Variants in CCDC40 observed in about 807,000 individuals in gnomAD.
The protein encoded by CCDC40 is coiled-coil domain 40 molecular ruler complex subunit.
CCDC40 carries 104 observed loss-of-function variants against 124.5 expected under a neutral mutation model. That is an observed-to-expected ratio of 0.84 (90% CI 0.71 to 0.98). The LOEUF (loss-of-function observed/expected upper bound fraction) is 0.98, where lower values mean the gene tolerates loss of function less well. Among genes scored for constraint, CCDC40 ranks in the 50% least tolerant of loss-of-function variants. CCDC40 has a pLI of 0.00. For synonymous variants in CCDC40, 580 were observed against 602.9 expected (o/e 0.96, Z 0.56); for missense variants, 1,463 against 1,503.9 (o/e 0.97, Z 0.45).
intron 16 of CCDC40, among the ~76,000 whole-genome samples, chr17:80,089,247 C>T (rs553665763): frequency 6.6e-6 from 1 of 152,176 alleles, no homozygotes; most frequent in Non-Finnish European, 1.5e-5. Context: ...GGAAAGGGTG[C>T]GGAGCAGGCG....
intron 10 of CCDC40, among the ~76,000 whole-genome samples, chr17:80,072,039 A>G (rs552244824): frequency 6.6e-6 from 1 of 151,976 alleles, no homozygotes; most frequent in South Asian, 2.1e-4. Context: ...GGGTTTCACC[A>G]TGTTGGCCAG....
chr17:80,067,782 C>T (rs994109914), intron 10 of CCDC40: 3 of 1,462,620 alleles, frequency 2.1e-6, no homozygotes, highest in Middle Eastern at 2.0e-4. Flanking sequence ...ACAGTCACGC[C>T]CCCGGCAGCG....
chr17:80,095,272 G>C lies in CCDC40; in HGVS notation c.2842G>C (p.Gly948Arg). ...CTGTCCTGTCTCCCAGGTCAGGCTC[G>C]GGCAGCTGCTGAAGCAGCAGGAGAA... Reference protein sequence around the residue: ...GEIHRMKVRLGQLLKQQEKMI... With the variant: ...GEIHRMKVRLRQLLKQQEKMI... Residue 948 changes from glycine (G) to arginine (R), a missense_variant, in exon 18 of 20, where the codon GGG (glycine) becomes CGG (arginine). Coordinates refer to ENST00000397545, the MANE Select transcript of CCDC40 (RefSeq NM_017950.4). 1 of 1,613,850 alleles carries C rather than the reference G, an allele frequency of 6.2e-7. No individual in the cohort carries two copies. Among genetic ancestry groups the C allele is most frequent in the East Asian group, 2.2e-5 (1 of 44,886 alleles).
chr17:80,058,555 C>A lies in CCDC40; in HGVS notation c.1221C>A (p.Ile407=). Residue 407 remains isoleucine, a synonymous_variant, in exon 8 of 20, where the codon ATC becomes ATA. Transcript: ENST00000397545. The surrounding 1 kb of genome is among the most constrained non-coding windows in gnomAD (Gnocchi z 4.2). The part of the protein sequence containing the change: ...LALHLFYMQN[I]DQDMRDDIRV... ...TGCATCTCTTCTACATGCAGAACAT[C>A]GACCAGGACATGCGTGACGACATCC... 6.2e-7 allele frequency: 1 copy of A among 1,614,096 alleles called. No individual in the cohort carries two copies. Among genetic ancestry groups the A allele is most frequent in the South Asian group, 1.1e-5 (1 of 91,082 alleles).
At chr17:80,061,111 C>G (rs7208452) in intron 9 of CCDC40, among the ~76,000 whole-genome samples, 11,203 of 152,164 alleles carry the variant, frequency 0.074, 1,334 homozygotes, top group African/African-American at 0.25. Flanking sequence ...TTTGGGAGGC[C>G]GAGGCCGCTG....
intron 10 of CCDC40, among the ~76,000 whole-genome samples, chr17:80,069,780 GAGAGAGAGAGAGAC>G (rs936303166): frequency 1.3e-4 from 20 of 150,956 alleles, no homozygotes; most frequent in Non-Finnish European, 2.7e-4. Flanking sequence ...AGAAAAAAAA[GAGAGAGAGAGAGAC>G]AGAGAGAGAG....
At chr17:80,039,704 G>T in intron 2 of CCDC40, 108 bp from the exon 3 acceptor site, 1 of 1,382,636 alleles carries the variant, frequency 7.2e-7, no homozygotes, top group Non-Finnish European at 9.9e-7. Context: ...ATGCTGAGAA[G>T]GGTATAAATG....
rs568372330 is a variant in CCDC40 at position 80,084,172 on chromosome 17, T to TAG, written c.1990-570_1990-569insGA. ...TCTGATCTCACACTGCTGTAGGAAA[T>TAG]ACCTAAGACTGGATAACTGATAAAG... is the stretch of plus-strand genomic sequence containing the variant. On this transcript the variant is annotated intron_variant, in intron 12 of 19. Transcript: ENST00000397545. Among the ~76,000 whole-genome samples, 38 of 151,544 alleles carry TAG rather than the reference T, an allele frequency of 2.5e-4. No homozygotes were observed. In the South Asian group the frequency reaches 4.0e-3, roughly 16 times the overall value.
chr17:80,075,316 C>A (rs1411687487), intron 10 of CCDC40, among the ~76,000 whole-genome samples: 1 of 139,390 alleles, frequency 7.2e-6, no homozygotes, highest in Non-Finnish European at 1.5e-5. Flanking sequence ...TCTCTTTTGT[C>A]GCCCAGGCTG....
intron 7 of CCDC40, among the ~76,000 whole-genome samples, chr17:80,050,825 T>G (rs924074066): frequency 2.0e-5 from 3 of 152,114 alleles, no homozygotes; most frequent in Non-Finnish European, 4.4e-5. Context: ...GATTCAAAAC[T>G]GGGAGAGATG....
In CCDC40 at chr17:80,058,477, C is replaced by G; in HGVS notation, c.1160-17C>G. The G allele has an allele frequency of 1.1e-5, 17 of 1,612,666 alleles. No individual in the cohort carries two copies. The highest frequency in any genetic ancestry group is 1.4e-5 in the Non-Finnish European group (17 of 1,179,652). ...CCACTCACTCTCTCTCTCTTTCTCC[C>G]CCGCCGCGCCCCGCAGTGGCGGCTC... is the stretch of plus-strand genomic sequence containing the variant. On this transcript the variant is annotated splice_polypyrimidine_tract_variant and intron_variant, in intron 7 of 19. Coordinates refer to ENST00000397545, the MANE Select transcript of CCDC40 (RefSeq NM_017950.4). This position sits in a 1 kb window ranked among gnomAD's most constrained non-coding sequence, Gnocchi z 4.2.
chr17:80,045,141 G>A (rs757638637), intron 3 of CCDC40, among the ~76,000 whole-genome samples: 3 of 152,238 alleles, frequency 2.0e-5, no homozygotes, highest in Non-Finnish European at 4.4e-5. Flanking sequence ...TGCATGGGCT[G>A]GAGACAGAGA....
At position 80,086,169 on chromosome 17, in the gene CCDC40, C is replaced by T. The variant is rs1364159657; in HGVS notation, c.2402C>T (p.Ser801Phe). 1 of 1,613,598 alleles carries T rather than the reference C, an allele frequency of 6.2e-7. No homozygotes were observed. The highest frequency in any genetic ancestry group is 8.5e-7 in the Non-Finnish European group (1 of 1,179,870). ...QEEQLASLDA[S>F]KKELHIMEQK... ...GAGCAGCTGGCCTCCCTGGACGCAT[C>T]CAAGAAGGAGCTCCACATCATGGAG... Residue 801 changes from serine (S) to phenylalanine (F), a missense_variant, in exon 14 of 20, where the codon TCC becomes TTC. By Grantham distance (155) the Ser-to-Phe change is radical. Coordinates refer to ENST00000397545, the MANE Select transcript of CCDC40 (RefSeq NM_017950.4). This position sits in a 1 kb window ranked among gnomAD's most constrained non-coding sequence, Gnocchi z 5.5.
In CCDC40 at chr17:80,087,955, G is replaced by C. The variant is rs1260283424; in HGVS notation, c.2620-56G>C. 7.1e-7 allele frequency: 1 copy of C among 1,411,512 alleles called. No individual in the cohort carries two copies. Among genetic ancestry groups the C allele is most frequent in the Non-Finnish European group, 1.0e-6 (1 of 996,202 alleles). The allele number at this position is 1,411,512 out of a possible 1,614,324, so 87.4% of individuals were successfully genotyped here. A position where few individuals can be genotyped will look rare whatever the true frequency, so the allele number is the denominator to read the frequency against. ...TGCCGGGATAGAGGGCACCAGCCCCGGCATCCACAATCCCATGGCCCTCCC... is the reference window on the plus strand; with the variant it reads ...TGCCGGGATAGAGGGCACCAGCCCCCGCATCCACAATCCCATGGCCCTCCC... On this transcript the variant is annotated intron_variant, in intron 15 of 19. Transcript: ENST00000397545. This position sits in a 1 kb window ranked among gnomAD's most constrained non-coding sequence, Gnocchi z 4.5.
Position 80,087,755 on chromosome 17 carries a change from T to C in CCDC40, c.2598T>C (p.Asn866=). Residue 866 remains asparagine, a synonymous_variant, in exon 15 of 20, where the codon AAT becomes AAC. Coordinates refer to ENST00000397545, the MANE Select transcript of CCDC40 (RefSeq NM_017950.4). The surrounding 1 kb of genome is among the most constrained non-coding windows in gnomAD (Gnocchi z 4.5). Reference sequence around the variant, plus strand: ...AGCAGAACAACCGGGTGACAGAGAATGAGTTCGTGCGCTCGCTGAAGGTCC... The same window carrying C: ...AGCAGAACAACCGGGTGACAGAGAACGAGTTCGTGCGCTCGCTGAAGGTCC... The part of the protein sequence containing the change: ...ELEQNNRVTE[N]EFVRSLKASE... 1.2e-6 allele frequency: 2 copies of C among 1,614,026 alleles called. No individual in the cohort carries two copies. The highest frequency in any genetic ancestry group is 8.5e-7 in the Non-Finnish European group (1 of 1,179,976).
chr17:80,090,767 A>G, intron 17 of CCDC40: 1 of 1,355,796 alleles, frequency 7.4e-7, no homozygotes, highest in Non-Finnish European at 9.5e-7. Context: ...CTTAAGGATA[A>G]CAGTAAGAGC....
intron 1 of CCDC40, among the ~76,000 whole-genome samples, chr17:80,037,688 A>AAAATATATATATATATATAT: frequency 2.0e-4 from 9 of 45,696 alleles, no homozygotes; most frequent in African/African-American, 4.7e-4. Flanking sequence ...TTTTTTAAAA[A>AAAATATATATATATATATAT]AGATATACAT....
chr17:80,099,974 G>A lies in CCDC40; in HGVS notation c.*199G>A, dbSNP rs886053536. The A allele has an allele frequency of 1.1e-4, 67 of 628,198 alleles. No individual in the cohort carries two copies. The East Asian group carries it at 1.8e-3, about 17-fold the overall frequency. 38.9% of individuals were successfully genotyped at this position (628,198 alleles called of 1,614,324 possible). A position where few individuals can be genotyped will look rare whatever the true frequency, so the allele number is the denominator to read the frequency against. On this transcript the variant is annotated 3_prime_UTR_variant, in exon 20 of 20. Coordinates refer to ENST00000397545, the MANE Select transcript of CCDC40 (RefSeq NM_017950.4). The stretch of plus-strand genomic sequence containing the variant: ...ATTTAATAAACCAGGTAAAATCCTA[G>A]CGTTTCCCATGGCATCCCATCGCAA...
intron 10 of CCDC40, among the ~76,000 whole-genome samples, chr17:80,078,145 C>G (rs962609035): frequency 6.6e-6 from 1 of 151,922 alleles, no homozygotes; most frequent in Non-Finnish European, 1.5e-5. Context: ...TCCTGGCTAA[C>G]ACGGTGAAAC....
Sources: gnomAD v4.1 joint callset for allele counts (sites outside exome capture counted in the v4.1 genomes callset) on GRCh38, gnomAD v4.1.1 for gene constraint, Gnocchi (gnomAD v3.1) non-coding constraint, MANE v1.5 for transcripts, NCBI Gene and HGNC (gene_info 2026-07-23, HGNC 2026-07-21) for gene names.